Variants in TMEM39B observed in about 807,000 individuals in gnomAD.
The protein encoded by TMEM39B is transmembrane protein 39B.
A neutral mutation model predicts 52.2 loss-of-function variants in TMEM39B; 23 were observed. The ratio of observed to expected loss-of-function variants is 0.44; its 90% CI spans 0.32 to 0.62. TMEM39B has a LOEUF of 0.62. TMEM39B is among the 20% of genes least tolerant of loss of function. TMEM39B has a pLI of 0.06. For synonymous variants in TMEM39B, 285 were observed against 264.0 expected (o/e 1.08, Z -0.77); for missense variants, 547 against 642.0 (o/e 0.85, Z 1.60).
At chr1:32,073,236 G>A (rs1409058166) in intron 1 of TMEM39B, 185 bp downstream of exon 1, 2 of 509,400 alleles carry the variant, frequency 3.9e-6, no homozygotes, top group Non-Finnish European at 5.7e-6. Context: ...GTGGGGGCGG[G>A]ACATTGGACG....
chr1:32,093,475 A>G (rs1640689326), intron 6 of TMEM39B, among the ~76,000 whole-genome samples: 1 of 134,090 alleles, frequency 7.5e-6, no homozygotes, highest in Admixed American at 8.5e-5. Context: ...GCAGTGGCGC[A>G]ATCTTGGCTC....
rs574923486 is a variant in TMEM39B, at chr1:32,093,994, A to G, written c.928-790A>G. On this transcript the variant is annotated intron_variant, in intron 6 of 8. Transcript: ENST00000336294. ...CCACCACGCCCGGCTAATTTTTTGTATTTTTAGTAGAGATGGGGTTTCACC... is the reference window on the plus strand; with the variant it reads ...CCACCACGCCCGGCTAATTTTTTGTGTTTTTAGTAGAGATGGGGTTTCACC... Among the ~76,000 whole-genome samples the G allele has an allele frequency of 2.9e-3, 389 of 133,148 alleles. 1 individual carries two copies. Among genetic ancestry groups the G allele is most frequent in the African/African-American group, 0.011 (380 of 34,928 alleles). The allele number at this position is 133,148 out of a possible 152,430, so 87.4% of individuals were successfully genotyped here. A position where few individuals can be genotyped will look rare whatever the true frequency, so the allele number is the denominator to read the frequency against.
At chr1:32,094,335 C>G (rs923980968) in intron 6 of TMEM39B, among the ~76,000 whole-genome samples, 11 of 151,542 alleles carry the variant, frequency 7.3e-5, no homozygotes, top group Non-Finnish European at 1.5e-4. Flanking sequence ...CTATATTGGC[C>G]AGGCTGGTCT....
At position 32,091,751 on chromosome 1, in the gene TMEM39B, A is replaced by T. The variant is rs200803971; in HGVS notation, c.667A>T (p.Met223Leu). 5 of 1,614,140 alleles carry T rather than the reference A, an allele frequency of 3.1e-6. No homozygotes were observed. The highest frequency in any genetic ancestry group is 2.5e-6 in the Non-Finnish European group (3 of 1,180,020). ...KTSLFNHMASMGPREAVSGLA... is the reference protein window; with the variant it reads ...KTSLFNHMASLGPREAVSGLA... ...AAGCCTCTTCAACCACATGGCCTCC[A>T]TGGGGCCCCGGGAGGCGGTCAGTGG... The change falls in exon 6 of 9, where the codon ATG (methionine) becomes TTG (leucine). Residue 223 changes from methionine to leucine, a missense_variant. Coordinates refer to ENST00000336294, the MANE Select transcript of TMEM39B (RefSeq NM_018056.4).
chr1:32,098,853 C>T (rs1410092071), intron 7 of TMEM39B, among the ~76,000 whole-genome samples: 3 of 152,222 alleles, frequency 2.0e-5, no homozygotes, highest in Non-Finnish European at 2.9e-5. Flanking sequence ...TAGATCCTCC[C>T]GCTCAAGGGC....
chr1:32,079,683 G>A (rs994015884), intron 5 of TMEM39B, among the ~76,000 whole-genome samples: 5 of 151,886 alleles, frequency 3.3e-5, no homozygotes, highest in African/African-American at 7.3e-5. Context: ...ATGGGCATGC[G>A]CCATCATGAC....
chr1:32,099,381 G>A (rs535928879), intron 7 of TMEM39B, among the ~76,000 whole-genome samples: 33 of 152,192 alleles, frequency 2.2e-4, no homozygotes, highest in South Asian at 4.1e-4. Context: ...ACGAGTTAAT[G>A]GGTGCAGCAC....
At chr1:32,074,839 T>G in intron 1 of TMEM39B, 112 bp from the exon 2 acceptor site, 1 of 1,313,652 alleles carries the variant, frequency 7.6e-7, no homozygotes. Flanking sequence ...TAGGTCTCAG[T>G]GAGGATTAAA....
intron 7 of TMEM39B, among the ~76,000 whole-genome samples, chr1:32,098,527 T>A (rs547092231): frequency 6.6e-6 from 1 of 151,234 alleles, no homozygotes; most frequent in South Asian, 2.1e-4. Flanking sequence ...GGTCAGGAGA[T>A]CGAGGCCATC....
intron 1 of TMEM39B, 116 bp downstream of exon 1, chr1:32,073,167 A>ACAGGAGCCC: frequency 8.0e-7 from 1 of 1,248,112 alleles, no homozygotes; most frequent in East Asian, 4.2e-5. Flanking sequence ...GGGGGAGGGG[A>ACAGGAGCCC]TGCGAGCGCA....
At chr1:32,075,538 C>G (rs1243740932) in intron 2 of TMEM39B, 65 bp from the exon 3 acceptor site, 4 of 1,488,710 alleles carry the variant, frequency 2.7e-6, no homozygotes, top group Non-Finnish European at 3.6e-6. Flanking sequence ...AATCCTTTGC[C>G]TCAGAAGCCC....
intron 7 of TMEM39B, among the ~76,000 whole-genome samples, chr1:32,096,603 G>T (rs1414567823): frequency 6.6e-6 from 1 of 151,690 alleles, no homozygotes; most frequent in Non-Finnish European, 1.5e-5. Flanking sequence ...TGGGATTACA[G>T]GTGTGCACCA....
intron 5 of TMEM39B, among the ~76,000 whole-genome samples, chr1:32,090,569 G>A (rs974396965): frequency 3.3e-5 from 5 of 152,092 alleles, no homozygotes; most frequent in African/African-American, 1.2e-4. Flanking sequence ...TCCTACCTCA[G>A]CCTGAGTAGC....
At chr1:32,091,331 C>T (rs976142232) in intron 5 of TMEM39B, among the ~76,000 whole-genome samples, 3 of 152,300 alleles carry the variant, frequency 2.0e-5, no homozygotes, top group South Asian at 4.1e-4. Context: ...TGAAAGCATT[C>T]GGTACAGTGC....
At chr1:32,079,862 C>G (rs569680743) in intron 5 of TMEM39B, among the ~76,000 whole-genome samples, 1 of 151,834 alleles carries the variant, frequency 6.6e-6, no homozygotes, top group African/African-American at 2.4e-5. Flanking sequence ...CTCCAACTCC[C>G]GGGTTCAAGC....
In TMEM39B at chr1:32,072,945, C is replaced by T. The variant is rs1639695359; in HGVS notation, c.-103C>T. ...GCGGCGGGAGCGCGCGGCTGATACC[C>T]GGGACTGGGCTGCGGCGGTTAGTCC... On this transcript the variant is annotated 5_prime_UTR_variant, in exon 1 of 9. Transcript: ENST00000336294. 1 of 1,433,918 alleles carries T rather than the reference C, an allele frequency of 7.0e-7. No homozygotes were observed. Among genetic ancestry groups the T allele is most frequent in the South Asian group, 1.3e-5 (1 of 78,622 alleles). The allele number at this position is 1,433,918 out of a possible 1,614,324, so 88.8% of individuals were successfully genotyped here.
chr1:32,078,926 C>T (rs1174708326), intron 5 of TMEM39B, among the ~76,000 whole-genome samples: 1 of 152,002 alleles, frequency 6.6e-6, no homozygotes, highest in Non-Finnish European at 1.5e-5. Flanking sequence ...CAGATGTGAG[C>T]CACTGTGCCT....
intron 5 of TMEM39B, among the ~76,000 whole-genome samples, chr1:32,090,963 T>G (rs915105116): frequency 6.6e-6 from 1 of 152,052 alleles, no homozygotes; most frequent in African/African-American, 2.4e-5. Flanking sequence ...TTTTTAAATT[T>G]GTTTTGTAGA....
intron 5 of TMEM39B, among the ~76,000 whole-genome samples, chr1:32,089,513 G>A (rs1640516027): frequency 6.6e-6 from 1 of 151,894 alleles, no homozygotes; most frequent in Admixed American, 6.6e-5. Context: ...ATTACGGACT[G>A]TACAGTATAA....
Sources: gnomAD v4.1 joint callset for allele counts (sites outside exome capture counted in the v4.1 genomes callset) on GRCh38, gnomAD v4.1.1 for gene constraint, MANE v1.5 for transcripts, NCBI Gene and HGNC (gene_info 2026-07-23, HGNC 2026-07-21) for gene names.